Variants in KIF15 observed in about 807,000 individuals in gnomAD.
The protein encoded by KIF15 is kinesin family member 15.
KIF15 carries 140 observed loss-of-function variants against 190.6 expected under a neutral mutation model. The ratio of observed to expected loss-of-function variants is 0.73; its 90% confidence interval spans 0.64 to 0.84. The LOEUF is 0.84. Among genes scored for constraint, KIF15 ranks in the 40% least tolerant of loss-of-function variants. The probability of loss-of-function intolerance (pLI) is 0.00; values close to 1 mark genes in which losing one functional copy is unlikely to be tolerated. For missense variants in KIF15, 1,372 were observed against 1,584.4 expected, an observed-to-expected ratio of 0.87 and a Z score of 2.28; for synonymous variants, 528 against 551.3, an observed-to-expected ratio of 0.96 and a Z score of 0.59.
chr3:44,770,368 ACTTT>A (rs1338754617), intron 1 of KIF15, among the ~76,000 whole-genome samples: 1 of 152,134 alleles, frequency 6.6e-6, no homozygotes, highest in Non-Finnish European at 1.5e-5. Context: ...CTCAGATAGG[ACTTT>A]CTAAAGCTGA....
At chr3:44,794,845 C>T (rs1259341061) in intron 8 of KIF15, among the ~76,000 whole-genome samples, 1 of 151,936 alleles carries the variant, frequency 6.6e-6, no homozygotes, top group Non-Finnish European at 1.5e-5. Context: ...GCCTGTAGTC[C>T]CAGCTACTTG....
chr3:44,790,128 T>C (rs1706612766), intron 7 of KIF15, among the ~76,000 whole-genome samples: 1 of 152,154 alleles, frequency 6.6e-6, no homozygotes, highest in African/African-American at 2.4e-5. Flanking sequence ...CTGAGTACTT[T>C]CATACTGCAT....
intron 1 of KIF15, among the ~76,000 whole-genome samples, chr3:44,767,133 C>T (rs867668919): frequency 6.6e-6 from 1 of 151,904 alleles, no homozygotes; most frequent in Admixed American, 6.6e-5. Flanking sequence ...TAAATTTCAC[C>T]AGTTTCACTG....
At chr3:44,830,770 G>A in intron 25 of KIF15, 126 bp from the exon 26 acceptor site, 1 of 890,844 alleles carries the variant, frequency 1.1e-6, no homozygotes, top group Non-Finnish European at 1.7e-6. Flanking sequence ...CCTTCAGTCA[G>A]CAAGTATTTA....
intron 30 of KIF15, among the ~76,000 whole-genome samples, chr3:44,846,933 G>A (rs1026504221): frequency 3.3e-5 from 5 of 152,052 alleles, no homozygotes; most frequent in African/African-American, 1.2e-4. Context: ...AAATTTTATT[G>A]AGACATAGTC....
chr3:44,780,685 G>A (rs1013838380), intron 4 of KIF15, among the ~76,000 whole-genome samples, 200 bp from the exon 5 acceptor site: 1 of 152,178 alleles, frequency 6.6e-6, no homozygotes, highest in African/African-American at 2.4e-5. Context: ...AGAAGCATTT[G>A]CCAATTAACA....
chr3:44,856,817 CCT>C (rs1444493970), downstream of KIF15, among the ~76,000 whole-genome samples: 2 of 152,086 alleles, frequency 1.3e-5, no homozygotes, highest in Non-Finnish European at 2.9e-5. Context: ...AGTGAGGAAA[CCT>C]CTTTCTGCCC....
intron 11 of KIF15, among the ~76,000 whole-genome samples, chr3:44,801,157 G>A (rs906275646): frequency 4.0e-4 from 57 of 141,748 alleles, no homozygotes; most frequent in African/African-American, 1.3e-3. Flanking sequence ...ACAGACCCAC[G>A]CCACCATGCC....
At chr3:44,764,400 CTG>C (rs892653267) in intron 1 of KIF15, among the ~76,000 whole-genome samples, 4 of 152,212 alleles carry the variant, frequency 2.6e-5, no homozygotes, top group African/African-American at 7.2e-5. Context: ...AACATTATGT[CTG>C]TGATCATTGT....
At chr3:44,799,227 C>A (rs534295930) in intron 10 of KIF15, 5 of 456,358 alleles carry the variant, frequency 1.1e-5, no homozygotes, top group African/African-American at 1.0e-4. Flanking sequence ...TCAGAAGCAA[C>A]TGGAAATGGC....
chr3:44,866,449 T>C (rs1232016885), intron 6 of KIF15, among the ~76,000 whole-genome samples: 4 of 152,180 alleles, frequency 2.6e-5, no homozygotes, highest in Non-Finnish European at 5.9e-5. Context: ...CTGCACACTT[T>C]CCCAGCACAG....
chr3:44,810,616 A>G (rs1334466584), intron 16 of KIF15, among the ~76,000 whole-genome samples: 1 of 152,114 alleles, frequency 6.6e-6, no homozygotes, highest in Non-Finnish European at 1.5e-5. Flanking sequence ...ATGAAAATAG[A>G]TATCAGCTCA....
Position 44,775,291 on chromosome 3 carries a change from C to G in KIF15, c.100C>G (p.Arg34Gly). 6.2e-7 allele frequency: 1 copy of G among 1,613,666 alleles called. No homozygotes were observed. The highest frequency in any genetic ancestry group is 8.5e-7 in the Non-Finnish European group (1 of 1,179,858). The change falls in exon 3 of 35, where the codon CGT becomes GGT. Residue 34 changes from arginine to glycine, a missense_variant. Arg to Gly is a moderately radical substitution (Grantham distance 125). Transcript: ENST00000326047. ...GDAIKVFVRI[R>G]PPAERSGSAD... is the part of the protein sequence containing the mutation. ...TGCCATCAAAGTTTTTGTGCGAATT[C>G]GTCCTCCTGCAGAAAGATCTGGGTC...
chr3:44,812,036 C>T, intron 17 of KIF15, 146 bp from the exon 18 acceptor site: 1 of 615,454 alleles, frequency 1.6e-6, no homozygotes, highest in Non-Finnish European at 2.9e-6. Context: ...TTTTCTGGCT[C>T]CAAACAGGCC....
At chr3:44,818,401 T>C (rs532626855) in intron 20 of KIF15, among the ~76,000 whole-genome samples, 1 of 152,360 alleles carries the variant, frequency 6.6e-6, no homozygotes, top group African/African-American at 2.4e-5. Context: ...GCTCTTATTA[T>C]TTTGAGATAC....
intron 33 of KIF15, 98 bp downstream of exon 33, chr3:44,852,050 CAG>C: frequency 1.4e-6 from 2 of 1,456,390 alleles, no homozygotes; most frequent in Non-Finnish European, 1.9e-6. Flanking sequence ...GTCCTTAGTT[CAG>C]AGTTGCTTTA....
At chr3:44,831,104 A>G (rs989552256) in intron 26 of KIF15, 86 bp downstream of exon 26, 2 of 1,418,738 alleles carry the variant, frequency 1.4e-6, no homozygotes, top group African/African-American at 2.9e-5. Flanking sequence ...TAATGAATAA[A>G]TACAGGATTT....
chr3:44,831,833 G>T (rs192969606), intron 26 of KIF15, among the ~76,000 whole-genome samples: 3 of 152,050 alleles, frequency 2.0e-5, no homozygotes, highest in Non-Finnish European at 4.4e-5. Context: ...TATACTTTTA[G>T]CCTTACTTTT....
intron 25 of KIF15, among the ~76,000 whole-genome samples, chr3:44,830,494 G>A (rs7340559): frequency 0.058 from 8,853 of 152,222 alleles, 273 homozygotes; most frequent in Middle Eastern, 0.092. Flanking sequence ...AAGTGAGTTC[G>A]TTTCCGCAAT....
Sources: allele counts gnomAD v4.1 joint callset (sites outside exome capture counted in the v4.1 genomes callset), GRCh38; gene constraint gnomAD v4.1.1; transcripts MANE v1.5; gene names NCBI Gene and HGNC (gene_info 2026-07-23, HGNC 2026-07-21).